The following BPIFB4 variants were observed in gnomAD, a reference collection of about 807,000 sequenced individuals.
BPIFB4 encodes BPI fold-containing family B member 4.
Under a neutral mutation model 69.2 loss-of-function variants are expected in BPIFB4, and 62 were observed. The observed-to-expected ratio is 0.90, with a 90% CI of 0.73 to 1.11. The LOEUF is 1.11. BPIFB4 is among the 50% of genes least tolerant of loss of function. The pLI is 0.00. For missense variants in BPIFB4, 789 were observed against 792.0 expected, an observed-to-expected ratio of 1.00 and a Z score of 0.04; for synonymous variants, 330 against 332.7, an observed-to-expected ratio of 0.99 and a Z score of 0.09.
At chr20:33,084,813 G>T in intron 5 of BPIFB4, 79 bp from the exon 6 acceptor site, 2 of 1,532,696 alleles carry the variant, frequency 1.3e-6, no homozygotes, top group Non-Finnish European at 1.7e-6. Flanking sequence ...GCAGAGAAAG[G>T]GGGTGTAGGG....
At chr20:33,098,059 T>A (rs1981805813) in intron 13 of BPIFB4, among the ~76,000 whole-genome samples, 1 of 152,200 alleles carries the variant, frequency 6.6e-6, no homozygotes, top group Non-Finnish European at 1.5e-5. Flanking sequence ...AGCCCCAGTT[T>A]TCTCATCTGT....
chr20:33,093,884 A>G (rs1600558345), intron 11 of BPIFB4, among the ~76,000 whole-genome samples: 2 of 152,152 alleles, frequency 1.3e-5, no homozygotes, highest in Admixed American at 1.3e-4. Context: ...CCATCCATTT[A>G]TATATCCATC....
chr20:33,111,535 C>A lies in BPIFB4; in HGVS notation c.*98C>A. The A allele has an allele frequency of 6.8e-7, 1 of 1,480,106 alleles. No individual in the cohort carries two copies. Among genetic ancestry groups the A allele is most frequent in the Non-Finnish European group, 9.3e-7 (1 of 1,069,726 alleles). The allele number at this position is 1,480,106 out of a possible 1,614,324, so 91.7% of individuals were successfully genotyped here. ...AGTCCCCTGCCCAGAGTCCCCTCAG[C>A]CTCCATGACAGGTCCCTCCCTGGCC... On this transcript the variant is annotated 3_prime_UTR_variant, in exon 18 of 18. Coordinates refer to ENST00000375483, the MANE Select transcript of BPIFB4 (RefSeq NM_182519.3).
chr20:33,083,266 G>T (rs1981296041), intron 4 of BPIFB4, 101 bp from the exon 5 acceptor site: 2 of 1,248,716 alleles, frequency 1.6e-6, no homozygotes, highest in Non-Finnish European at 2.2e-6. Flanking sequence ...GGGGGTTGCT[G>T]GGTGGCAGTA....
chr20:33,094,858 T>C (rs923948305), intron 11 of BPIFB4, among the ~76,000 whole-genome samples: 36 of 152,180 alleles, frequency 2.4e-4, no homozygotes, highest in Non-Finnish European at 4.1e-4. Flanking sequence ...TGCTGTTCTT[T>C]GAAACACTCC....
At chr20:33,096,760 G>C (rs1981767377) in intron 12 of BPIFB4, among the ~76,000 whole-genome samples, 1 of 152,214 alleles carries the variant, frequency 6.6e-6, no homozygotes, top group African/African-American at 2.4e-5. Flanking sequence ...GGGGATTCAG[G>C]CTGGACCCAG....
At chr20:33,092,426 C>T in intron 10 of BPIFB4, 32 bp from the exon 11 acceptor site, 1 of 1,575,908 alleles carries the variant, frequency 6.3e-7, no homozygotes, top group South Asian at 1.1e-5. Flanking sequence ...TCTTCTCCCT[C>T]CCTGTGACCC....
At chr20:33,082,844 C>A in intron 3 of BPIFB4, 94 bp from the exon 4 acceptor site, 1 of 1,257,560 alleles carries the variant, frequency 8.0e-7, no homozygotes, top group Non-Finnish European at 1.2e-6. Context: ...AAAAGTGAGG[C>A]CCAGGGAGCT....
chr20:33,096,798 C>T (rs971803928), intron 12 of BPIFB4, among the ~76,000 whole-genome samples: 12 of 152,168 alleles, frequency 7.9e-5, no homozygotes, highest in African/African-American at 2.9e-4. Flanking sequence ...CTGGGCTGCA[C>T]GGAGTCACCA....
intron 11 of BPIFB4, among the ~76,000 whole-genome samples, 166 bp downstream of exon 11, chr20:33,092,824 T>C (rs1981647169): frequency 6.6e-6 from 1 of 152,226 alleles, no homozygotes; most frequent in Non-Finnish European, 1.5e-5. Context: ...ACGTCAGTAC[T>C]TGCCAAAGTG....
intron 5 of BPIFB4, among the ~76,000 whole-genome samples, chr20:33,084,541 A>T (rs1368687423): frequency 6.6e-6 from 1 of 152,162 alleles, no homozygotes; most frequent in Non-Finnish European, 1.5e-5. Context: ...AAATCTGAAG[A>T]ATGTATAGGA....
rs746850426 is a variant in BPIFB4 at position 33,100,479 on chromosome 20, T to C, written c.1623T>C (p.Asp541=). 8 of 1,608,136 alleles carry C rather than the reference T, an allele frequency of 5.0e-6. No individual in the cohort carries two copies. Among genetic ancestry groups the C allele is most frequent in the Non-Finnish European group, 6.8e-6 (8 of 1,174,580 alleles). ...CAGAAGGAGATAAGCTCATGATTGA[T>C]GCCAAGCTGGAGAAGTAAGGGGCTA... ...FSTEGDKLMI[D]AKLEKTSLNL... is the part of the protein sequence containing the mutation. The change falls in exon 14 of 18, where the codon GAT becomes GAC. Residue 541 remains aspartate, a synonymous_variant. Coordinates refer to ENST00000375483, the MANE Select transcript of BPIFB4 (RefSeq NM_182519.3).
At chr20:33,087,753 C>CACACACACACACACAG (rs56030970) in intron 7 of BPIFB4, among the ~76,000 whole-genome samples, 1 of 140,750 alleles carries the variant, frequency 7.1e-6, no homozygotes, top group African/African-American at 2.7e-5. Context: ...CACACACACA[C>CACACACACACACACAG]AAGCATGCAT....
chr20:33,092,721 C>T, intron 11 of BPIFB4, 63 bp downstream of exon 11: 1 of 1,457,496 alleles, frequency 6.9e-7, no homozygotes, highest in Non-Finnish European at 9.5e-7. Context: ...TGACCCTTCT[C>T]AGTCTCCACA....
At chr20:33,088,041 A>T (rs1442487787) in intron 7 of BPIFB4, among the ~76,000 whole-genome samples, 1 of 152,158 alleles carries the variant, frequency 6.6e-6, no homozygotes, top group African/African-American at 2.4e-5. Flanking sequence ...GGTCAGAGAC[A>T]TTTTGGTGTA....
At chr20:33,106,336 C>T (rs1982053477) in intron 16 of BPIFB4, among the ~76,000 whole-genome samples, 1 of 151,156 alleles carries the variant, frequency 6.6e-6, no homozygotes, top group Non-Finnish European at 1.5e-5. Context: ...TATGACTGGG[C>T]GAAGGGCTGG....
chr20:33,080,383 A>G (rs913784660), intron 1 of BPIFB4, 86 bp from the exon 2 acceptor site: 4 of 152,362 alleles, frequency 2.6e-5, no homozygotes, highest in East Asian at 1.9e-4. Flanking sequence ...AAGGAGCAAA[A>G]GAAAGTTTCC....
At chr20:33,092,845 G>A (rs1441595548) in intron 11 of BPIFB4, among the ~76,000 whole-genome samples, 187 bp downstream of exon 11, 1 of 152,196 alleles carries the variant, frequency 6.6e-6, no homozygotes, top group Non-Finnish European at 1.5e-5. Context: ...GTGCTTGGGA[G>A]GATTTCAGGT....
In BPIFB4 at chr20:33,089,525, G is replaced by C; in HGVS notation, c.1018G>C (p.Gly340Arg). 2.5e-6 allele frequency: 4 copies of C among 1,614,220 alleles called. No individual in the cohort carries two copies. In the South Asian group the frequency reaches 4.4e-5, roughly 18 times the overall value. ...LLCPIVDVVL[G>R]LVNDQLGLVD... ...CTGCCCCATCGTGGATGTGGTGCTG[G>C]GTCTTGTCAATGACCAGCTGGGCCT... The change falls in exon 9 of 18, where the codon GGT (glycine) becomes CGT (arginine). Residue 340 changes from glycine (G) to arginine (R), a missense_variant. Around this residue, in one of 3 missense-constraint regions of BPIFB4, gnomAD observed 611 missense variants for 575.4 expected, o/e 1.06. Coordinates refer to ENST00000375483, the MANE Select transcript of BPIFB4 (RefSeq NM_182519.3).
Sources: gnomAD v4.1 joint callset for allele counts (sites outside exome capture counted in the v4.1 genomes callset) on GRCh38, gnomAD v4.1.1 for gene constraint, gnomAD v4.1.1 regional missense constraint, MANE v1.5 for transcripts, NCBI Gene and HGNC (gene_info 2026-07-23, HGNC 2026-07-21) for gene names.